The following XXYLT1 variants were observed in gnomAD, a reference collection of about 807,000 sequenced individuals.
XXYLT1 encodes UDP-xylose:alpha-xyloside alpha-1,3-xylosyltransferase.
Under a neutral mutation model 28.9 loss-of-function variants are expected in XXYLT1, and 20 were observed. That is an observed-to-expected ratio of 0.69 (90% CI 0.49 to 1.00). The LOEUF is 1.00. Ranked by LOEUF, XXYLT1 falls within the 50% of genes least tolerant of loss-of-function variation. The pLI, the probability that XXYLT1 is intolerant of heterozygous loss-of-function variation, is 0.00. For missense variants in XXYLT1, 542 were observed against 560.1 expected (o/e 0.97, Z 0.33); for synonymous variants, 257 against 253.8 (o/e 1.01, Z -0.12).
At chr3:195,134,870 C>CGCGCGT (rs1553808202) in intron 3 of XXYLT1, among the ~76,000 whole-genome samples, 3 of 124,170 alleles carry the variant, frequency 2.4e-5, no homozygotes, top group African/African-American at 9.7e-5. Flanking sequence ...TGTGTGTGTG[C>CGCGCGT]GTGTGCGCGC....
chr3:195,221,508 G>A (rs73067084), intron 2 of XXYLT1, among the ~76,000 whole-genome samples: 6,951 of 152,302 alleles, frequency 0.046, 562 homozygotes, highest in African/African-American at 0.16. Flanking sequence ...GGGTGCATGG[G>A]GGATGACAGG....
intron 3 of XXYLT1, among the ~76,000 whole-genome samples, chr3:195,149,872 C>T (rs1407944301): frequency 6.6e-6 from 1 of 152,194 alleles, no homozygotes; most frequent in Non-Finnish European, 1.5e-5. Flanking sequence ...AGGAGGGAAA[C>T]ACAGTACCAA....
At chr3:195,144,944 T>C (rs1053941592) in intron 3 of XXYLT1, among the ~76,000 whole-genome samples, 2 of 152,198 alleles carry the variant, frequency 1.3e-5, no homozygotes, top group African/African-American at 4.8e-5. Flanking sequence ...CTGGTTATTC[T>C]TTGTAAATAA....
rs1273823605 is a variant in XXYLT1 at position 195,173,150 on chromosome 3, G to A, written c.653-16569C>T. ...CATCAGGAGCTCTGGCTCTCTAGACGGTGCTCCCAACAGTGGAGATGCTCA... is the reference window on the plus strand; with the variant it reads ...CATCAGGAGCTCTGGCTCTCTAGACAGTGCTCCCAACAGTGGAGATGCTCA... On this transcript the variant is annotated intron_variant, in intron 2 of 3. Transcript: ENST00000310380. This position sits in a 1 kb window ranked among gnomAD's most constrained non-coding sequence, Gnocchi z 4.3. Among the ~76,000 whole-genome samples, 2 of 152,168 alleles carry A rather than the reference G, an allele frequency of 1.3e-5. No homozygotes were observed. The highest frequency in any genetic ancestry group is 2.1e-4 in the South Asian group (1 of 4,830).
chr3:195,088,810 C>T (rs1234818330), intron 3 of XXYLT1, among the ~76,000 whole-genome samples: 6 of 143,224 alleles, frequency 4.2e-5, no homozygotes, highest in Non-Finnish European at 6.1e-5. Flanking sequence ...ACTAGAATAA[C>T]CAATACAGAG....
chr3:195,227,101 T>A (rs1300509224), intron 1 of XXYLT1, among the ~76,000 whole-genome samples: 2 of 152,122 alleles, frequency 1.3e-5, no homozygotes, highest in African/African-American at 4.8e-5. Flanking sequence ...GGCATGCATG[T>A]ACGGGCTGTG....
At chr3:195,102,174 A>G (rs1163294694) in intron 3 of XXYLT1, among the ~76,000 whole-genome samples, 1 of 152,224 alleles carries the variant, frequency 6.6e-6, no homozygotes, top group Non-Finnish European at 1.5e-5. Flanking sequence ...TCTGAATTCT[A>G]TGTAAGATAT....
At chr3:195,182,631 T>C (rs1722006731) in intron 2 of XXYLT1, among the ~76,000 whole-genome samples, 1 of 152,124 alleles carries the variant, frequency 6.6e-6, no homozygotes, top group African/African-American at 2.4e-5. Flanking sequence ...CCCACTCCCC[T>C]GAAACCTAGC....
intron 3 of XXYLT1, among the ~76,000 whole-genome samples, chr3:195,118,229 G>T (rs946002537): frequency 3.3e-4 from 51 of 152,248 alleles, no homozygotes; most frequent in African/African-American, 1.2e-3. Flanking sequence ...TTGATAAGAT[G>T]CAGGCGAAGA....
At chr3:195,178,993 C>T (rs369156892) in intron 2 of XXYLT1, among the ~76,000 whole-genome samples, 3 of 152,190 alleles carry the variant, frequency 2.0e-5, no homozygotes, top group Admixed American at 6.5e-5. Flanking sequence ...TGGGCCTTCA[C>T]GTAGTTTCCA....
At chr3:195,215,300 G>A (rs1399298727) in intron 2 of XXYLT1, among the ~76,000 whole-genome samples, 6 of 137,834 alleles carry the variant, frequency 4.4e-5, no homozygotes, top group Admixed American at 7.4e-5. Flanking sequence ...CATAATGACA[G>A]GATCAAATTC....
chr3:195,165,707 C>T (rs143261741), intron 2 of XXYLT1, among the ~76,000 whole-genome samples: 282 of 152,272 alleles, frequency 1.9e-3, no homozygotes, highest in African/African-American at 6.4e-3. Context: ...GGAATCCTAA[C>T]AAAATGTCAC....
At chr3:195,229,708 A>C (rs894536386) in intron 1 of XXYLT1, among the ~76,000 whole-genome samples, 1 of 152,222 alleles carries the variant, frequency 6.6e-6, no homozygotes, top group Non-Finnish European at 1.5e-5. Flanking sequence ...TGTTGTTGCA[A>C]ATGACAGGAT....
intron 2 of XXYLT1, among the ~76,000 whole-genome samples, chr3:195,221,965 T>A (rs1394700280): frequency 6.6e-6 from 1 of 152,130 alleles, no homozygotes; most frequent in Non-Finnish European, 1.5e-5. Context: ...AGAGCCAGCA[T>A]GTCCCGCCTG....
intron 3 of XXYLT1, among the ~76,000 whole-genome samples, chr3:195,110,328 G>C (rs62645782): frequency 0.68 from 14,059 of 20,560 alleles, 5,287 homozygotes; most frequent in East Asian, 0.88. Flanking sequence ...GTGAGGGTGA[G>C]GTGTGTGTAT....
chr3:195,234,810 G>A (rs1050920505), intron 1 of XXYLT1, among the ~76,000 whole-genome samples: 16 of 152,092 alleles, frequency 1.1e-4, no homozygotes, highest in African/African-American at 3.6e-4. Flanking sequence ...ACTTTTGAGA[G>A]TTTGTTATTA....
intron 3 of XXYLT1, among the ~76,000 whole-genome samples, chr3:195,088,957 A>T (rs937609590): frequency 1.9e-4 from 29 of 152,066 alleles, no homozygotes; most frequent in African/African-American, 6.8e-4. Flanking sequence ...GAAATGAAGC[A>T]AGAAGGGAAG....
intron 1 of XXYLT1, among the ~76,000 whole-genome samples, chr3:195,237,654 A>C (rs1724610611): frequency 6.6e-6 from 1 of 151,984 alleles, no homozygotes. Context: ...TAACCATAAA[A>C]ACCTTTTATG....
chr3:195,152,342 A>G (rs1199724841), intron 3 of XXYLT1: 1 of 152,610 alleles, frequency 6.6e-6, no homozygotes, highest in African/African-American at 2.4e-5. Context: ...AGAGACAGAG[A>G]AAAGGTCAGA....
Sources: gnomAD v4.1 joint callset for allele counts (sites outside exome capture counted in the v4.1 genomes callset) on GRCh38, gnomAD v4.1.1 for gene constraint, Gnocchi (gnomAD v3.1) non-coding constraint, MANE v1.5 for transcripts, NCBI Gene and HGNC (gene_info 2026-07-23, HGNC 2026-07-21) for gene names.